PDGFD: variants seen among roughly 807,000 people sequenced by gnomAD.
The protein encoded by PDGFD is platelet derived growth factor D.
PDGFD carries 30 observed loss-of-function variants against 44.7 expected under a neutral mutation model. The ratio of observed to expected loss-of-function variants is 0.67; its 90% CI spans 0.50 to 0.91. The LOEUF (loss-of-function observed/expected upper bound fraction) is 0.91. Ranked by LOEUF, PDGFD falls within the 40% of genes least tolerant of loss-of-function variation. The pLI is 0.00. For missense variants in PDGFD, 445 were observed against 457.8 expected (o/e 0.97, Z 0.25); for synonymous variants, 173 against 168.4 (o/e 1.03, Z -0.21).
At chr11:104,028,088 A>G (rs260857) in intron 1 of PDGFD, among the ~76,000 whole-genome samples, 130,270 of 151,332 alleles carry the variant, frequency 0.86, 56,398 homozygotes, top group East Asian at 0.97. Flanking sequence ...TACTCTGGAG[A>G]CTGAGGCAGG....
At chr11:104,125,731 G>A (rs1003895624) in intron 1 of PDGFD, among the ~76,000 whole-genome samples, 5 of 152,098 alleles carry the variant, frequency 3.3e-5, no homozygotes, top group Admixed American at 1.3e-4. Context: ...CTTTTTTAGA[G>A]GACAAAATAT....
intron 1 of PDGFD, among the ~76,000 whole-genome samples, chr11:104,130,575 C>T (rs1402885652): frequency 6.6e-6 from 1 of 152,180 alleles, no homozygotes; most frequent in Admixed American, 6.5e-5. Flanking sequence ...AATGTCCTTA[C>T]ATCAGTCTTC....
chr11:104,084,760 A>G (rs1861098071), intron 1 of PDGFD, among the ~76,000 whole-genome samples: 1 of 80,662 alleles, frequency 1.2e-5, no homozygotes, highest in Non-Finnish European at 2.1e-5. Flanking sequence ...TAGTTTATAT[A>G]TTAATTATAA....
intron 1 of PDGFD, among the ~76,000 whole-genome samples, chr11:104,089,300 T>C (rs766827475): frequency 6.6e-6 from 1 of 152,192 alleles, no homozygotes; most frequent in Non-Finnish European, 1.5e-5. Context: ...ATCTAGAGTG[T>C]ATCTTCTCTC....
At chr11:103,949,879 G>A (rs924861087) in intron 3 of PDGFD, among the ~76,000 whole-genome samples, 1 of 152,110 alleles carries the variant, frequency 6.6e-6, no homozygotes, top group Non-Finnish European at 1.5e-5. Flanking sequence ...ATAAATAGTT[G>A]CTTCTTGCAG....
intron 3 of PDGFD, among the ~76,000 whole-genome samples, chr11:103,989,267 A>G (rs191881685): frequency 1.3e-5 from 2 of 152,344 alleles, no homozygotes; most frequent in East Asian, 3.9e-4. Context: ...AAATTTTAGA[A>G]TATTTGTGAA....
intron 1 of PDGFD, among the ~76,000 whole-genome samples, chr11:104,139,059 G>C (rs919209099): frequency 6.6e-6 from 1 of 152,152 alleles, no homozygotes; most frequent in African/African-American, 2.4e-5. Context: ...ACCATGCCTG[G>C]CTGGGTACAG....
chr11:104,137,809 T>C (rs1862032984), intron 1 of PDGFD, among the ~76,000 whole-genome samples: 1 of 150,258 alleles, frequency 6.7e-6, no homozygotes, highest in Admixed American at 6.7e-5. Flanking sequence ...TGTCCGACAT[T>C]TGACACTCCT....
intron 1 of PDGFD, among the ~76,000 whole-genome samples, chr11:104,044,989 G>T (rs1364161359): frequency 6.6e-6 from 1 of 152,126 alleles, no homozygotes; most frequent in African/African-American, 2.4e-5. Context: ...AGTGAGCCGA[G>T]ATCGCACCAC....
At chr11:103,935,632 T>A (rs1858477163) in intron 5 of PDGFD, among the ~76,000 whole-genome samples, 1 of 152,204 alleles carries the variant, frequency 6.6e-6, no homozygotes, top group African/African-American at 2.4e-5. Context: ...CCAAATACTA[T>A]CTGTGAGGCT....
Position 103,983,713 on chromosome 11 carries a change from A to G in PDGFD, c.510+12352T>C, listed in dbSNP as rs114784299. 2.0e-3 allele frequency among the ~76,000 whole-genome samples: 310 copies of G among 151,974 alleles called. 10 individuals are homozygous for G. Among genetic ancestry groups the G allele is most frequent in the African/African-American group, 7.3e-3 (301 of 41,250 alleles). On this transcript the variant is annotated intron_variant, in intron 3 of 6. Coordinates refer to ENST00000393158, the MANE Select transcript of PDGFD (RefSeq NM_025208.5). ...TCCAGACTCTATAAGGAACTTAGAT[A>G]AATTTACAAGAAAAAAATAACCCCA...
At chr11:103,990,492 T>C (rs917365596) in intron 3 of PDGFD, among the ~76,000 whole-genome samples, 1 of 152,232 alleles carries the variant, frequency 6.6e-6, no homozygotes, top group African/African-American at 2.4e-5. Context: ...TGTACTTCGC[T>C]GCTTACATGC....
chr11:103,941,399 G>T (rs1390258330), intron 5 of PDGFD, among the ~76,000 whole-genome samples: 1 of 152,018 alleles, frequency 6.6e-6, no homozygotes, highest in Non-Finnish European at 1.5e-5. Context: ...CAGGTTAGGG[G>T]GTGGGTAGAC....
intron 3 of PDGFD, among the ~76,000 whole-genome samples, chr11:103,954,366 T>C (rs1858805428): frequency 6.6e-6 from 1 of 152,160 alleles, no homozygotes; most frequent in Non-Finnish European, 1.5e-5. Flanking sequence ...CCTTTAAGTC[T>C]TTGCAGACAG....
In PDGFD at chr11:103,943,645, T is replaced by C. The variant is rs374504441; in HGVS notation, c.579A>G (p.Val193=). 2.5e-6 allele frequency: 4 copies of C among 1,611,876 alleles called. No homozygotes were observed. Among genetic ancestry groups the C allele is most frequent in the Non-Finnish European group, 2.5e-6 (3 of 1,178,868 alleles). ...CCGTTACTGATGGAGAGTTATAGGA[T>C]ACCCCCTAAGAGTGACATACAGCTC... ...WESVTSSISG[V]SYNSPSVTDP... is the part of the protein sequence containing the mutation. Residue 193 remains valine, a synonymous_variant, in exon 5 of 7, where the codon GTA becomes GTG. Coordinates refer to ENST00000393158, the MANE Select transcript of PDGFD (RefSeq NM_025208.5).
chr11:104,063,724 G>A (rs1158534600), intron 1 of PDGFD, among the ~76,000 whole-genome samples: 3 of 152,118 alleles, frequency 2.0e-5, no homozygotes, highest in East Asian at 3.9e-4. Flanking sequence ...GAATGATGGG[G>A]GAGGTGCCAC....
At chr11:104,125,965 T>C (rs569730361) in intron 1 of PDGFD, among the ~76,000 whole-genome samples, 71 of 152,246 alleles carry the variant, frequency 4.7e-4, no homozygotes, top group African/African-American at 1.5e-3. Flanking sequence ...CTCATACATA[T>C]CATGCAATAA....
At chr11:104,080,393 A>G (rs1291128977) in intron 1 of PDGFD, among the ~76,000 whole-genome samples, 1 of 152,210 alleles carries the variant, frequency 6.6e-6, no homozygotes, top group Non-Finnish European at 1.5e-5. Context: ...AAATTCAAGT[A>G]CTTTAAATAT....
chr11:103,981,363 T>C (rs1211259484), intron 3 of PDGFD, among the ~76,000 whole-genome samples: 1 of 151,572 alleles, frequency 6.6e-6, no homozygotes, highest in African/African-American at 2.4e-5. Flanking sequence ...AAGAAATAAA[T>C]TTCTTTTTTA....
Sources: allele counts gnomAD v4.1 joint callset (sites outside exome capture counted in the v4.1 genomes callset), GRCh38; gene constraint gnomAD v4.1.1; transcripts MANE v1.5; gene names NCBI Gene and HGNC (gene_info 2026-07-23, HGNC 2026-07-21).